GPR39: variants seen among roughly 807,000 people sequenced by gnomAD.
The protein encoded by GPR39 is G protein-coupled receptor 39, also known as zinc sensing receptor.
GPR39 carries 23 observed loss-of-function variants against 18.4 expected under a neutral mutation model. The observed-to-expected ratio is 1.25, with a 90% CI of 0.90 to 1.77. The LOEUF is 1.77. GPR39 is among the 40% of genes most tolerant of loss of function. GPR39 has a pLI of 0.00. For synonymous variants in GPR39, 280 were observed against 257.9 expected (o/e 1.09, Z -0.82); for missense variants, 647 against 602.4 (o/e 1.07, Z -0.78).
intron 1 of GPR39, among the ~76,000 whole-genome samples, chr2:132,615,035 G>A (rs1470409394): frequency 2.6e-5 from 4 of 151,986 alleles, no homozygotes; most frequent in South Asian, 4.2e-4. Flanking sequence ...ACCCCTTCCC[G>A]GCTCTGTTCG....
intron 1 of GPR39, among the ~76,000 whole-genome samples, chr2:132,492,434 TATATATACACC>T (rs1681493464): frequency 1.4e-5 from 2 of 142,764 alleles, no homozygotes; most frequent in Admixed American, 1.4e-4. Flanking sequence ...ATATACACCA[TATATATACACC>T]ATATATACAC....
chr2:132,452,298 G>A (rs181474120), intron 1 of GPR39, among the ~76,000 whole-genome samples: 1 of 152,254 alleles, frequency 6.6e-6, no homozygotes, highest in Admixed American at 6.5e-5. Flanking sequence ...CAAGTACAAT[G>A]TATTCAAGTC....
chr2:132,428,377 A>G (rs1368753151), intron 1 of GPR39, among the ~76,000 whole-genome samples: 1 of 152,216 alleles, frequency 6.6e-6, no homozygotes, highest in Non-Finnish European at 1.5e-5. Context: ...GGGACATCAA[A>G]GTATAAGGGC....
chr2:132,535,228 A>T (rs1679731740), intron 1 of GPR39, among the ~76,000 whole-genome samples: 1 of 152,160 alleles, frequency 6.6e-6, no homozygotes, highest in Non-Finnish European at 1.5e-5. Context: ...TATTATTTTG[A>T]GATATGTTCC....
At chr2:132,629,388 A>G (rs756152995) in intron 1 of GPR39, among the ~76,000 whole-genome samples, 1 of 152,234 alleles carries the variant, frequency 6.6e-6, no homozygotes, top group Non-Finnish European at 1.5e-5. Context: ...GTGCCCAGGC[A>G]TGACTGAGAA....
intron 1 of GPR39, among the ~76,000 whole-genome samples, chr2:132,487,836 GA>G: frequency 6.6e-6 from 1 of 152,146 alleles, no homozygotes; most frequent in Non-Finnish European, 1.5e-5. Context: ...TTCAGAAGGA[GA>G]AAGGGAGAAT....
chr2:132,544,180 C>A (rs781246194), intron 1 of GPR39, among the ~76,000 whole-genome samples: 3 of 152,198 alleles, frequency 2.0e-5, no homozygotes, highest in Non-Finnish European at 4.4e-5. Flanking sequence ...TATAGGGAAG[C>A]AAAACACCTT....
chr2:132,515,679 CAACTA>C (rs1402364471), intron 1 of GPR39, among the ~76,000 whole-genome samples: 1 of 152,126 alleles, frequency 6.6e-6, no homozygotes, highest in African/African-American at 2.4e-5. Flanking sequence ...TTCCTTAAAG[CAACTA>C]ATAAAACCTA....
chr2:132,595,751 G>A (rs1009062771), intron 1 of GPR39, among the ~76,000 whole-genome samples: 1 of 152,246 alleles, frequency 6.6e-6, no homozygotes, highest in South Asian at 2.1e-4. Flanking sequence ...GTGTGTTTCT[G>A]TTCCTGCCAA....
chr2:132,461,529 A>G (rs1680831192), intron 1 of GPR39, among the ~76,000 whole-genome samples: 1 of 152,248 alleles, frequency 6.6e-6, no homozygotes, highest in African/African-American at 2.4e-5. Context: ...CAGGCTGCTA[A>G]CACAACAGCT....
chr2:132,572,297 G>C (rs1480852767), intron 1 of GPR39, among the ~76,000 whole-genome samples: 1 of 152,080 alleles, frequency 6.6e-6, no homozygotes, highest in Non-Finnish European at 1.5e-5. Context: ...CCTATTTTCA[G>C]CACCTCTTTC....
intron 1 of GPR39, among the ~76,000 whole-genome samples, chr2:132,426,725 G>T (rs1159200028): frequency 6.6e-6 from 1 of 152,210 alleles, no homozygotes; most frequent in Admixed American, 6.5e-5. Flanking sequence ...AGCCATTCTG[G>T]CAAGCAGAGG....
chr2:132,495,585 T>C lies in GPR39; in HGVS notation c.856+77687T>C, dbSNP rs112112952. Among the ~76,000 whole-genome samples, 635 of 152,280 alleles carry C rather than the reference T, an allele frequency of 4.2e-3. 3 individuals are homozygous for C. The highest frequency in any genetic ancestry group is 0.013 in the African/African-American group (546 of 41,554). On this transcript the variant is annotated intron_variant, in intron 1 of 1. Transcript: ENST00000329321. ...TCGGCAGCAGAGAGGCCAGGTTTGA[T>C]TGAAATTTCACTTAAGGTGCACAGA...
chr2:132,445,680 C>T (rs539716704), intron 1 of GPR39, among the ~76,000 whole-genome samples: 70 of 117,700 alleles, frequency 5.9e-4, no homozygotes, highest in Non-Finnish European at 1.1e-3. Flanking sequence ...GTTTGCCATA[C>T]CTGTGATTTA....
intron 1 of GPR39, among the ~76,000 whole-genome samples, chr2:132,434,570 C>T (rs760119776): frequency 1.3e-5 from 2 of 152,136 alleles, no homozygotes; most frequent in Non-Finnish European, 2.9e-5. Flanking sequence ...AATTCAGCCT[C>T]TAGATTGGGG....
rs114647252 is a variant in GPR39, at chr2:132,469,620, C to T, written c.856+51722C>T. Among the ~76,000 whole-genome samples the T allele has an allele frequency of 8.7e-3, 1,322 of 152,208 alleles. 20 individuals are homozygous for T. Among genetic ancestry groups the T allele is most frequent in the African/African-American group, 0.03 (1,249 of 41,530 alleles). On this transcript the variant is annotated intron_variant, in intron 1 of 1. Transcript: ENST00000329321. Reference sequence around the variant, plus strand: ...ATGCGGGCCAGGTGGAAGAGGTAGTCGTATAACTAATGGGAGTGATTTTTC... The same window carrying T: ...ATGCGGGCCAGGTGGAAGAGGTAGTTGTATAACTAATGGGAGTGATTTTTC...
In GPR39 at chr2:132,417,571, GA is replaced by G; in HGVS notation, c.530del (p.Glu177GlyfsTer5). 2 of 1,614,036 alleles carry G rather than the reference GA, an allele frequency of 1.2e-6. No individual in the cohort carries two copies. The highest frequency in any genetic ancestry group is 2.2e-5 in the South Asian group (2 of 91,064). ...ALPLLFAMGT[E>X]YPLVNVPSHR... ...GCCCTTGCTGTTTGCCATGGGTACTGAGTACCCCCTGGTGAACGTGCCCAGC... is the reference window on the plus strand; with the variant it reads ...GCCCTTGCTGTTTGCCATGGGTACTGGTACCCCCTGGTGAACGTGCCCAGC... On this transcript the variant is annotated frameshift_variant, in exon 1 of 2. Transcript: ENST00000329321. LOFTEE classifies it high-confidence loss of function.
intron 1 of GPR39, among the ~76,000 whole-genome samples, chr2:132,466,391 T>C (rs1348166063): frequency 6.6e-6 from 1 of 152,226 alleles, no homozygotes; most frequent in Non-Finnish European, 1.5e-5. Context: ...TTGAGTTTCC[T>C]TGCGATTTAT....
At chr2:132,513,773 G>A (rs867590293) in intron 1 of GPR39, among the ~76,000 whole-genome samples, 2 of 152,156 alleles carry the variant, frequency 1.3e-5, no homozygotes, top group South Asian at 2.1e-4. Flanking sequence ...GTGCAGTGGT[G>A]CATTCACAGC....
Sources: allele counts gnomAD v4.1 joint callset (sites outside exome capture counted in the v4.1 genomes callset), GRCh38; gene constraint gnomAD v4.1.1; transcripts MANE v1.5; gene names NCBI Gene and HGNC (gene_info 2026-07-23, HGNC 2026-07-21).